Variants in FRY observed in about 807,000 individuals in gnomAD.
FRY encodes FRY microtubule binding protein.
In FRY, 128 loss-of-function variants were observed where a neutral mutation model predicts 348.4. That is an observed-to-expected ratio of 0.37 (90% CI 0.32 to 0.43). FRY has a LOEUF of 0.43. Ranked by LOEUF, FRY falls within the 20% of genes least tolerant of loss-of-function variation. The pLI is 1.00. For missense variants in FRY, 2,736 were observed against 3,695.2 expected (o/e 0.74, Z 6.73); for synonymous variants, 1,370 against 1,374.7 (o/e 1.00, Z 0.08).
intron 40 of FRY, among the ~76,000 whole-genome samples, chr13:32,229,565 C>G (rs1885797612): frequency 6.6e-6 from 1 of 152,202 alleles, no homozygotes; most frequent in Non-Finnish European, 1.5e-5. Context: ...TATGCCTGCA[C>G]ATACAGGGTA....
At chr13:32,261,867 C>T (rs1385203830) in intron 52 of FRY, 51 bp downstream of exon 52, 1 of 1,515,480 alleles carries the variant, frequency 6.6e-7, no homozygotes, top group South Asian at 1.1e-5. Flanking sequence ...TTTTTTGTAA[C>T]TAATGCAGGA....
chr13:32,245,550 G>C (rs911356980), intron 47 of FRY, among the ~76,000 whole-genome samples: 4 of 152,120 alleles, frequency 2.6e-5, no homozygotes, highest in African/African-American at 4.8e-5. Flanking sequence ...GGAGGTTGAG[G>C]TTACAGTGAA....
intron 15 of FRY, among the ~76,000 whole-genome samples, chr13:32,156,374 G>A (rs368421647): frequency 6.6e-5 from 10 of 152,210 alleles, no homozygotes; most frequent in African/African-American, 1.9e-4. Context: ...TTGGGAGGCC[G>A]AAACTCCACC....
At chr13:32,231,822 C>CA (rs1452657249) in intron 41 of FRY, among the ~76,000 whole-genome samples, 24 of 152,326 alleles carry the variant, frequency 1.6e-4, no homozygotes, top group African/African-American at 5.8e-4. Flanking sequence ...TGAATTCCTT[C>CA]AGGTCCAAGT....
intron 1 of FRY, among the ~76,000 whole-genome samples, chr13:32,033,155 C>A (rs772127107): frequency 6.6e-6 from 1 of 152,142 alleles, no homozygotes; most frequent in African/African-American, 2.4e-5. Flanking sequence ...AATACTGTTG[C>A]CCAAACAGCA....
At chr13:32,256,444 A>C (rs575658070) in intron 51 of FRY, among the ~76,000 whole-genome samples, 1 of 152,136 alleles carries the variant, frequency 6.6e-6, no homozygotes, top group African/African-American at 2.4e-5. Flanking sequence ...CTGAGGTGGG[A>C]ATATCGCTTA....
intron 1 of FRY, among the ~76,000 whole-genome samples, chr13:32,051,734 TG>T (rs1873340766): frequency 6.6e-6 from 1 of 152,222 alleles, no homozygotes. Context: ...GGACCCACTG[TG>T]TACAAAACAC....
At chr13:32,238,931 A>G (rs900875744) in intron 44 of FRY, among the ~76,000 whole-genome samples, 2 of 152,316 alleles carry the variant, frequency 1.3e-5, no homozygotes, top group Non-Finnish European at 2.9e-5. Flanking sequence ...TGTTTTTTTG[A>G]TAAAAATTTC....
chr13:32,074,958 A>G (rs1278972638), intron 1 of FRY, among the ~76,000 whole-genome samples: 1 of 152,256 alleles, frequency 6.6e-6, no homozygotes, highest in Non-Finnish European at 1.5e-5. Flanking sequence ...ATTTGCTTGC[A>G]GGACTGGGTA....
At chr13:32,111,153 C>T (rs1877929417) in intron 3 of FRY, among the ~76,000 whole-genome samples, 1 of 152,050 alleles carries the variant, frequency 6.6e-6, no homozygotes, top group South Asian at 2.1e-4. Context: ...ATAAAGGTGC[C>T]AATAATGTGG....
intron 2 of FRY, among the ~76,000 whole-genome samples, chr13:32,098,783 G>A (rs1157711847): frequency 1.3e-5 from 2 of 152,178 alleles, no homozygotes; most frequent in East Asian, 1.9e-4. Context: ...AGTCACTGTT[G>A]AGTGATGAAT....
At position 32,274,909 on chromosome 13, in the gene FRY, G is replaced by A. The variant is rs750659227; in HGVS notation, c.8204G>A (p.Gly2735Glu). The change falls in exon 56 of 61, where the codon GGA becomes GAA. Residue 2735 changes from glycine (G) to glutamate (E), a missense_variant. By Grantham distance (98) the Gly-to-Glu change is moderately conservative (BLOSUM62 -2). This residue lies in a region of FRY where 789 missense variants were observed against 996.2 expected (regional missense o/e 0.79). Coordinates refer to ENST00000542859, the MANE Select transcript of FRY (RefSeq NM_023037.3). ...AASYLGDNLR[G>E]IGSKFVSSSQ... ...AGTTACCTTGGAGATAACCTCCGGG[G>A]AATCGGATCCAAATTTGTCAGCTCT... The A allele has an allele frequency of 2.5e-6, 4 of 1,613,102 alleles. No homozygotes were observed. Among genetic ancestry groups the A allele is most frequent in the Non-Finnish European group, 3.4e-6 (4 of 1,179,160 alleles).
intron 10 of FRY, among the ~76,000 whole-genome samples, chr13:32,136,551 T>C (rs1474739110): frequency 6.6e-6 from 1 of 152,238 alleles, no homozygotes; most frequent in Non-Finnish European, 1.5e-5. Context: ...TGATCTAAGA[T>C]GGTAAGTTTG....
rs149785694 is a variant in FRY at position 32,199,314 on chromosome 13, C to T, written c.3747-2627C>T. Among the ~76,000 whole-genome samples, 512 of 152,224 alleles carry T rather than the reference C, an allele frequency of 3.4e-3. 2 individuals are homozygous for T. The highest frequency in any genetic ancestry group is 0.011 in the African/African-American group (458 of 41,528). ...AGGATCTAGGTGGCACACCACAGTACGCATTACAAGAGTAGTTGTTTATGA... is the reference window on the plus strand; with the variant it reads ...AGGATCTAGGTGGCACACCACAGTATGCATTACAAGAGTAGTTGTTTATGA... On this transcript the variant is annotated intron_variant, in intron 29 of 60. Transcript: ENST00000542859.
intron 29 of FRY, among the ~76,000 whole-genome samples, chr13:32,195,936 T>C (rs1883648444): frequency 6.6e-6 from 1 of 152,224 alleles, no homozygotes; most frequent in South Asian, 2.1e-4. Context: ...ACACAGGGCA[T>C]GTTCAGAATT....
intron 29 of FRY, among the ~76,000 whole-genome samples, chr13:32,195,889 C>A (rs1261088477): frequency 6.6e-6 from 1 of 152,228 alleles, no homozygotes; most frequent in African/African-American, 2.4e-5. Context: ...TTGAACCCAA[C>A]TGTCCAGATA....
intron 17 of FRY, among the ~76,000 whole-genome samples, chr13:32,164,079 G>C (rs1334589386): frequency 1.3e-5 from 2 of 152,108 alleles, no homozygotes; most frequent in South Asian, 2.1e-4. Flanking sequence ...CCTGCACATA[G>C]AGTCCTATTA....
intron 3 of FRY, among the ~76,000 whole-genome samples, chr13:32,115,049 A>T (rs531949720): frequency 4.1e-4 from 63 of 152,280 alleles, no homozygotes; most frequent in Non-Finnish European, 8.1e-4. Flanking sequence ...CCTTATATTA[A>T]CTCATAACTA....
chr13:32,247,186 C>T (rs1486572135), intron 47 of FRY, 137 bp from the exon 48 acceptor site: 6 of 690,884 alleles, frequency 8.7e-6, no homozygotes, highest in African/African-American at 7.2e-5. Context: ...TTGCCTTTTA[C>T]TTCTCATGGA....
Sources: allele counts gnomAD v4.1 joint callset (sites outside exome capture counted in the v4.1 genomes callset), GRCh38; gene constraint gnomAD v4.1.1; regional missense constraint gnomAD v4.1.1; transcripts MANE v1.5; gene names NCBI Gene and HGNC (gene_info 2026-07-23, HGNC 2026-07-21).